The following CCNB1IP1 variants were observed in gnomAD, a reference collection of about 807,000 sequenced individuals.
CCNB1IP1 encodes cyclin B1 interacting protein 1, also known as E3 ubiquitin-protein ligase CCNB1IP1.
A neutral mutation model predicts 25.6 loss-of-function variants in CCNB1IP1; 14 were observed. The ratio of observed to expected loss-of-function variants is 0.55; its 90% CI spans 0.36 to 0.85. The LOEUF (loss-of-function observed/expected upper bound fraction) is 0.85. CCNB1IP1 is among the 40% of genes least tolerant of loss of function. CCNB1IP1 has a pLI of 0.01. For missense variants in CCNB1IP1, 278 were observed against 342.4 expected (o/e 0.81, Z 1.48); for synonymous variants, 119 against 116.1 (o/e 1.02, Z -0.16).
At chr14:20,333,156 C>G (rs1883303492) in intron 1 of CCNB1IP1, 98 bp downstream of exon 1, 2 of 152,266 alleles carry the variant, frequency 1.3e-5, no homozygotes, top group Admixed American at 6.5e-5. Context: ...ACACACACTC[C>G]TATGCCGACT....
chr14:20,316,296 T>A lies in CCNB1IP1; in HGVS notation c.228A>T (p.Val76=). ...CGATCTCTGGTCGCAGTCCTGCCAA[T>A]ACCATAGCTTTATATTCCTCTGATG... The part of the protein sequence containing the change: ...LSPSEEYKAM[V]LAGLRPEIVL... Residue 76 remains valine (V), a synonymous_variant, in exon 5 of 7, where the codon GTA becomes GTT. Coordinates refer to ENST00000358932, the MANE Select transcript of CCNB1IP1 (RefSeq NM_021178.5). The A allele has an allele frequency of 6.2e-7, 1 of 1,613,986 alleles. No individual in the cohort carries two copies. Among genetic ancestry groups the A allele is most frequent in the Non-Finnish European group, 8.5e-7 (1 of 1,179,870 alleles).
chr14:20,333,101 C>T (rs937242547), intron 1 of CCNB1IP1, 153 bp downstream of exon 1: 1 of 152,312 alleles, frequency 6.6e-6, no homozygotes, highest in African/African-American at 2.4e-5. Flanking sequence ...ATTTCACTGC[C>T]TTCTCCCAAC....
intron 1 of CCNB1IP1, chr14:20,333,009 T>C (rs1022146426): frequency 2.0e-5 from 3 of 152,228 alleles, no homozygotes; most frequent in Non-Finnish European, 4.4e-5. Context: ...GCACAGTCTA[T>C]TGTTCCTGGG....
intron 4 of CCNB1IP1, chr14:20,317,884 C>G (rs1200288612): frequency 6.6e-6 from 1 of 152,268 alleles, no homozygotes; most frequent in Non-Finnish European, 1.5e-5. Flanking sequence ...GCGAGTGCTT[C>G]AGGGAACTAC....
intron 4 of CCNB1IP1, among the ~76,000 whole-genome samples, chr14:20,321,224 G>A (rs957352107): frequency 2.6e-5 from 4 of 152,218 alleles, no homozygotes; most frequent in African/African-American, 9.6e-5. Flanking sequence ...AAGGCTTTGA[G>A]TTTCAAGTAG....
chr14:20,329,210 C>T lies in CCNB1IP1; in HGVS notation c.-267G>A, dbSNP rs1015227095. ...AGAACTTAAGGCAGCTTATCTTGATCAAAATTCAAGTACCAGGCTTTAGGT... is the reference window on the plus strand; with the variant it reads ...AGAACTTAAGGCAGCTTATCTTGATTAAAATTCAAGTACCAGGCTTTAGGT... On this transcript the variant is annotated 5_prime_UTR_variant, in exon 2 of 7. Coordinates refer to ENST00000358932, the MANE Select transcript of CCNB1IP1 (RefSeq NM_021178.5). 2.0e-5 allele frequency: 3 copies of T among 152,168 alleles called. No homozygotes were observed. The highest frequency in any genetic ancestry group is 4.4e-5 in the Non-Finnish European group (3 of 68,036). The allele number at this position is 152,168 out of a possible 1,614,324, so 9.4% of individuals were successfully genotyped here.
intron 4 of CCNB1IP1, among the ~76,000 whole-genome samples, chr14:20,319,924 T>C (rs1481512435): frequency 6.6e-6 from 1 of 152,244 alleles, no homozygotes; most frequent in East Asian, 1.9e-4. Context: ...TGTTTTACTT[T>C]ATTTCATTGT....
intron 2 of CCNB1IP1, among the ~76,000 whole-genome samples, chr14:20,328,004 CCAT>C (rs1418503451): frequency 6.6e-6 from 1 of 152,162 alleles, no homozygotes; most frequent in Non-Finnish European, 1.5e-5. Flanking sequence ...TAGAGCATTT[CCAT>C]CATAACAGAA....
At chr14:20,332,046 T>G in intron 1 of CCNB1IP1, among the ~76,000 whole-genome samples, 1 of 104,586 alleles carries the variant, frequency 9.6e-6, no homozygotes, top group African/African-American at 3.3e-5. Context: ...TTTTTTTTTT[T>G]TTTTTGAGAC....
Position 20,311,846 on chromosome 14 carries a change from A to G in CCNB1IP1, c.632-94T>C, listed in dbSNP as rs1373408717. On this transcript the variant is annotated intron_variant, in intron 6 of 6. Transcript: ENST00000358932. ...TCATCAAATATATATATATGAATATATATTTTTTCTCCAATATTTGTCTTA... is the reference window on the plus strand; with the variant it reads ...TCATCAAATATATATATATGAATATGTATTTTTTCTCCAATATTTGTCTTA... 4 of 640,056 alleles carry G rather than the reference A, an allele frequency of 6.2e-6. No individual in the cohort carries two copies. In the African/African-American group the frequency reaches 7.6e-5, roughly 12 times the overall value. 39.6% of individuals were successfully genotyped at this position (640,056 alleles called of 1,614,324 possible). A position where few individuals can be genotyped will look rare whatever the true frequency, so the allele number is the denominator to read the frequency against.
At chr14:20,315,589 C>T in intron 5 of CCNB1IP1, 1 of 1,285,564 alleles carries the variant, frequency 7.8e-7, no homozygotes, top group Non-Finnish European at 1.0e-6. Flanking sequence ...TGCTTAAAGT[C>T]ATCCACAGGG....
chr14:20,329,239 A>G lies in CCNB1IP1; in HGVS notation c.-296T>C, dbSNP rs1193310370. ...ATTCAAGTACCAGGCTTTAGGTACC[A>G]TCAGCCTTTAACCCTTTCTGTTGAG... On this transcript the variant is annotated 5_prime_UTR_variant, in exon 2 of 7. The change abolishes an upstream ATG in the 5' untranslated region. Transcript: ENST00000358932. 1 of 152,258 alleles carries G rather than the reference A, an allele frequency of 6.6e-6. No individual in the cohort carries two copies. The highest frequency in any genetic ancestry group is 2.4e-5 in the African/African-American group (1 of 41,480). 9.4% of individuals were successfully genotyped at this position (152,258 alleles called of 1,614,324 possible).
At chr14:20,326,875 C>A in intron 2 of CCNB1IP1, 82 bp from the exon 3 acceptor site, 1 of 175,712 alleles carries the variant, frequency 5.7e-6, no homozygotes, top group East Asian at 1.5e-4. Flanking sequence ...TATACCAAGT[C>A]ACAAGAAAAT....
At chr14:20,316,169 G>T in intron 5 of CCNB1IP1, 58 bp downstream of exon 5, 1 of 1,459,084 alleles carries the variant, frequency 6.9e-7, no homozygotes, top group Non-Finnish European at 9.4e-7. Flanking sequence ...AAAGACACTA[G>T]AAGTTCCCAC....
intron 4 of CCNB1IP1, among the ~76,000 whole-genome samples, chr14:20,324,316 A>G (rs549462692): frequency 6.6e-6 from 1 of 152,190 alleles, no homozygotes; most frequent in Non-Finnish European, 1.5e-5. Flanking sequence ...CCTCCCAAGT[A>G]GCTGGGATTA....
At chr14:20,311,839 T>C (rs1882496816) in intron 6 of CCNB1IP1, 87 bp from the exon 7 acceptor site, 3 of 659,782 alleles carry the variant, frequency 4.5e-6, no homozygotes, top group South Asian at 7.3e-5. Context: ...TATATATATA[T>C]GAATATATAT....
chr14:20,325,298 G>A (rs927633216), intron 4 of CCNB1IP1, among the ~76,000 whole-genome samples: 12 of 151,278 alleles, frequency 7.9e-5, no homozygotes, highest in Admixed American at 3.3e-4. Context: ...GCGGGCAACT[G>A]TAGTCCCAGC....
chr14:20,314,271 A>T (rs1198278396), intron 5 of CCNB1IP1: 1 of 153,356 alleles, frequency 6.5e-6, no homozygotes, highest in Non-Finnish European at 1.5e-5. Flanking sequence ...CTTCATAAGT[A>T]TATTACCTAA....
intron 4 of CCNB1IP1, among the ~76,000 whole-genome samples, chr14:20,317,387 G>A (rs969521736): frequency 6.6e-6 from 1 of 151,888 alleles, no homozygotes; most frequent in Admixed American, 6.6e-5. Flanking sequence ...GCCGGCGACG[G>A]ACTCCGTCCC....
Sources: gnomAD v4.1 joint callset for allele counts (sites outside exome capture counted in the v4.1 genomes callset) on GRCh38, gnomAD v4.1.1 for gene constraint, MANE v1.5 for transcripts, NCBI Gene and HGNC (gene_info 2026-07-23, HGNC 2026-07-21) for gene names.